SASH1: variants seen among roughly 807,000 people sequenced by gnomAD.
SASH1 encodes the protein SAM and SH3 domain containing 1, also known as SAM and SH3 domain-containing protein 1.
In SASH1, 44 loss-of-function variants were observed where a neutral mutation model predicts 125.2. The observed-to-expected ratio is 0.35, with a 90% confidence interval of 0.28 to 0.45. SASH1 has a LOEUF of 0.45. Among genes scored for constraint, SASH1 ranks in the 20% least tolerant of loss-of-function variants. The pLI is 1.00. For synonymous variants in SASH1, 639 were observed against 649.1 expected (o/e 0.98, Z 0.24); for missense variants, 1,426 against 1,614.5 (o/e 0.88, Z 2.00).
chr6:148,241,485 T>G, the SASH1 span, among the ~76,000 whole-genome samples: 1 of 152,208 alleles, frequency 6.6e-6, no homozygotes, highest in South Asian at 2.1e-4. Flanking sequence ...CATCTCCTCT[T>G]GCTTTTAAAA....
intron 1 of SASH1, among the ~76,000 whole-genome samples, chr6:148,299,835 T>A (rs888369021): frequency 1.4e-4 from 21 of 152,130 alleles, no homozygotes; most frequent in South Asian, 8.3e-4. Flanking sequence ...AACTTTTAAA[T>A]CAGAATAAAT....
the SASH1 span, among the ~76,000 whole-genome samples, chr6:148,262,949 T>C: frequency 6.6e-6 from 1 of 152,112 alleles, no homozygotes; most frequent in Non-Finnish European, 1.5e-5. Flanking sequence ...CTGCTGGGGT[T>C]GTAAATTCAG....
At chr6:148,527,732 T>A in intron 12 of SASH1, 136 bp downstream of exon 12, 1 of 842,092 alleles carries the variant, frequency 1.2e-6, no homozygotes, top group Non-Finnish European at 1.8e-6. Context: ...GTGCTTTATT[T>A]ACGTAGAGAA....
intron 9 of SASH1, 148 bp downstream of exon 9, chr6:148,514,604 T>C: frequency 2.9e-6 from 3 of 1,029,252 alleles, no homozygotes; most frequent in African/African-American, 1.7e-5. Flanking sequence ...GGCAGGACTA[T>C]GCCTGCCAGC....
chr6:148,243,608 G>T, the SASH1 span, among the ~76,000 whole-genome samples: 1 of 135,962 alleles, frequency 7.4e-6, no homozygotes, highest in East Asian at 2.2e-4. Flanking sequence ...ACGCCACTGT[G>T]CTCCAGTCTG....
intron 4 of SASH1, among the ~76,000 whole-genome samples, chr6:148,446,307 A>T (rs1776787379): frequency 6.6e-6 from 1 of 151,638 alleles, no homozygotes; most frequent in Non-Finnish European, 1.5e-5. Flanking sequence ...ACGGGGTTTC[A>T]CCGTGTTAGC....
chr6:148,522,422 T>A (rs9403959), intron 10 of SASH1, among the ~76,000 whole-genome samples: 48,798 of 152,200 alleles, frequency 0.32, 7,885 homozygotes, highest in East Asian at 0.36. Context: ...CTTGTCATAT[T>A]TCTTTCATTT....
chr6:148,512,032 T>TA (rs1554267040), intron 8 of SASH1, among the ~76,000 whole-genome samples: 2 of 151,822 alleles, frequency 1.3e-5, no homozygotes, highest in Non-Finnish European at 2.9e-5. Context: ...TTTATTTATT[T>TA]TTTTGAGACA....
intron 4 of SASH1, among the ~76,000 whole-genome samples, chr6:148,441,033 G>T (rs1464479308): frequency 6.6e-6 from 1 of 152,164 alleles, no homozygotes; most frequent in Non-Finnish European, 1.5e-5. Context: ...AAAAACAAGA[G>T]AATCTTTTTT....
chr6:148,194,723 C>T, the SASH1 span, among the ~76,000 whole-genome samples: 7 of 152,132 alleles, frequency 4.6e-5, no homozygotes, highest in Non-Finnish European at 1.0e-4. Flanking sequence ...CTGGTTAACA[C>T]GGTGAAACCC....
intron 4 of SASH1, among the ~76,000 whole-genome samples, chr6:148,455,271 CTT>C (rs1777278788): frequency 6.6e-6 from 1 of 152,206 alleles, no homozygotes; most frequent in South Asian, 2.1e-4. Context: ...CCAGGAGACT[CTT>C]AAGCAGCCAG....
upstream of SASH1, among the ~76,000 whole-genome samples, chr6:148,268,364 C>T (rs1486269383): frequency 1.3e-5 from 2 of 152,080 alleles, no homozygotes; most frequent in South Asian, 2.1e-4. Context: ...TAAAGCTTAC[C>T]CTATTACTTG....
chr6:148,297,926 A>G (rs1779806969), intron 1 of SASH1, among the ~76,000 whole-genome samples: 1 of 152,202 alleles, frequency 6.6e-6, no homozygotes, highest in Non-Finnish European at 1.5e-5. Context: ...GTACATGGCT[A>G]TAATTTGCAG....
chr6:148,412,892 C>T (rs773240005), intron 2 of SASH1, among the ~76,000 whole-genome samples: 4 of 152,224 alleles, frequency 2.6e-5, no homozygotes, highest in East Asian at 1.9e-4. Flanking sequence ...AAAGAAAAGT[C>T]GTGTTCCTTA....
At chr6:148,520,552 C>A (rs1183076376) in intron 10 of SASH1, among the ~76,000 whole-genome samples, 1 of 152,192 alleles carries the variant, frequency 6.6e-6, no homozygotes, top group Non-Finnish European at 1.5e-5. Context: ...CACTTCCAGG[C>A]AGCTTTCACC....
At chr6:148,253,919 A>G in the SASH1 span, among the ~76,000 whole-genome samples, 2 of 151,262 alleles carry the variant, frequency 1.3e-5, no homozygotes, top group African/African-American at 4.9e-5. Context: ...AAGAAATAAA[A>G]TATAGGCCAG....
intron 2 of SASH1, among the ~76,000 whole-genome samples, chr6:148,420,951 C>T (rs548631861): frequency 2.0e-5 from 3 of 151,886 alleles, no homozygotes; most frequent in African/African-American, 4.8e-5. Context: ...GGTGTGTTGG[C>T]GCGTGCCTGT....
the SASH1 span, among the ~76,000 whole-genome samples, chr6:148,214,595 AT>A: frequency 6.6e-6 from 1 of 152,218 alleles, no homozygotes; most frequent in East Asian, 1.9e-4. Flanking sequence ...ACCTCTCAGA[AT>A]AATAATGATT....
chr6:148,512,528 G>C, intron 8 of SASH1: 9 of 984,624 alleles, frequency 9.1e-6, no homozygotes, highest in Non-Finnish European at 1.1e-5. Context: ...CTGGTTGACC[G>C]CTCCAACCAT....
Sources: allele counts gnomAD v4.1 joint callset (sites outside exome capture counted in the v4.1 genomes callset), GRCh38; gene constraint gnomAD v4.1.1; transcripts MANE v1.5; gene names NCBI Gene and HGNC (gene_info 2026-07-23, HGNC 2026-07-21).